ARF4: variants seen among roughly 807,000 people sequenced by gnomAD.
ARF4 encodes the protein ADP-ribosylation factor 4.
A neutral mutation model predicts 24.3 loss-of-function variants in ARF4; 5 were observed. That is an observed-to-expected ratio of 0.21 (90% confidence interval 0.11 to 0.43). ARF4 has a LOEUF of 0.43. Ranked by LOEUF, ARF4 falls within the 20% of genes least tolerant of loss-of-function variation. ARF4 has a pLI of 1.00. For missense variants in ARF4, 107 were observed against 213.0 expected (o/e 0.50, Z 3.10); for synonymous variants, 62 against 73.5 (o/e 0.84, Z 0.80).
chr3:57,589,034 G>A (rs547567131), intron 1 of ARF4, among the ~76,000 whole-genome samples: 5 of 151,940 alleles, frequency 3.3e-5, no homozygotes, highest in African/African-American at 4.8e-5. Context: ...CCTGAGAGGC[G>A]GAGGTCGCAG....
At chr3:57,572,347 A>G (rs1259644361) in intron 5 of ARF4, 49 bp from the exon 6 acceptor site, 1 of 1,359,734 alleles carries the variant, frequency 7.4e-7, no homozygotes, top group African/African-American at 1.4e-5. Context: ...TTAATATATA[A>G]CACCAGTGTT....
At chr3:57,576,259 A>G (rs1312129068) in intron 4 of ARF4, among the ~76,000 whole-genome samples, 1 of 152,198 alleles carries the variant, frequency 6.6e-6, no homozygotes, top group Non-Finnish European at 1.5e-5. Flanking sequence ...GTTTTCATTT[A>G]TATGAATGTC....
chr3:57,594,782 T>C (rs919941979), intron 1 of ARF4, among the ~76,000 whole-genome samples: 4 of 152,294 alleles, frequency 2.6e-5, no homozygotes, highest in East Asian at 1.9e-4. Context: ...ATTCCAACAG[T>C]TGAATGGGGC....
At chr3:57,585,102 G>C (rs2070021069) in intron 1 of ARF4, among the ~76,000 whole-genome samples, 2 of 152,108 alleles carry the variant, frequency 1.3e-5, no homozygotes, top group Admixed American at 1.3e-4. Context: ...GGCCTCAAGT[G>C]ATCTGCCAGC....
chr3:57,597,281 G>A lies in ARF4; in HGVS notation c.-141C>T, dbSNP rs964607834. The A allele has an allele frequency of 1.3e-6, 1 of 767,058 alleles. No individual in the cohort carries two copies. 47.5% of individuals were successfully genotyped at this position (767,058 alleles called of 1,614,324 possible). A position where few individuals can be genotyped will look rare whatever the true frequency, so the allele number is the denominator to read the frequency against. On this transcript the variant is annotated 5_prime_UTR_variant, in exon 1 of 6. Coordinates refer to ENST00000303436, the MANE Select transcript of ARF4 (RefSeq NM_001660.4). ...GAAAGAGGGAGGCAGAAACGTCTCA[G>A]TGGCCCCTGTGCCGATGAAGATCCG...
intron 3 of ARF4, among the ~76,000 whole-genome samples, 186 bp downstream of exon 3, chr3:57,583,712 C>A (rs2070003012): frequency 6.6e-6 from 1 of 152,186 alleles, no homozygotes; most frequent in Admixed American, 6.6e-5. Context: ...CTTTACAACT[C>A]TTCCACCCTA....
intron 3 of ARF4, among the ~76,000 whole-genome samples, chr3:57,582,007 C>G (rs1470428293): frequency 6.6e-6 from 1 of 152,136 alleles, no homozygotes; most frequent in African/African-American, 2.4e-5. Context: ...AAAAAACTCC[C>G]TGGAGTATAT....
chr3:57,578,891 G>GA (rs543593759), intron 3 of ARF4, among the ~76,000 whole-genome samples: 1 of 95,990 alleles, frequency 1.0e-5, no homozygotes, highest in South Asian at 4.2e-4. Flanking sequence ...AGCTAGAAAA[G>GA]GGGGGGGGCA....
At chr3:57,580,579 A>AT (rs1180096362) in intron 3 of ARF4, among the ~76,000 whole-genome samples, 13 of 148,012 alleles carry the variant, frequency 8.8e-5, no homozygotes, top group Admixed American at 4.1e-4. Context: ...TTTTTTTTTA[A>AT]TTTTTTTTTG....
Position 57,597,180 on chromosome 3 carries a change from T to C in ARF4, c.-40A>G. The C allele has an allele frequency of 6.3e-7, 1 of 1,580,444 alleles. No homozygotes were observed. The highest frequency in any genetic ancestry group is 8.7e-7 in the Non-Finnish European group (1 of 1,151,150). ...TTGTGATGGGCAGAAGCAGAAGGGG[T>C]TTGGGGCGACCCCGTGCTTTCTCCT... On this transcript the variant is annotated 5_prime_UTR_variant, in exon 1 of 6. Transcript: ENST00000303436.
chr3:57,591,791 T>C (rs1319238479), intron 1 of ARF4, among the ~76,000 whole-genome samples: 2 of 152,104 alleles, frequency 1.3e-5, no homozygotes, highest in Non-Finnish European at 2.9e-5. Flanking sequence ...GACAACATCA[T>C]GCCAAGTGAA....
At chr3:57,595,556 A>T (rs1274891938) in intron 1 of ARF4, among the ~76,000 whole-genome samples, 2 of 152,236 alleles carry the variant, frequency 1.3e-5, no homozygotes, top group African/African-American at 2.4e-5. Flanking sequence ...CGCTAAGAGG[A>T]AAATAAACAT....
rs531922831 is a variant in ARF4 at position 57,576,045 on chromosome 3, A to C, written c.331-372T>G. On this transcript the variant is annotated intron_variant, in intron 4 of 5. Coordinates refer to ENST00000303436, the MANE Select transcript of ARF4 (RefSeq NM_001660.4). ...ATGGTACTTAGTAGCAGAAGTACTT[A>C]GATAGATGATGATTCTTTTCGGACT... 1.6e-4 allele frequency among the ~76,000 whole-genome samples: 24 copies of C among 152,324 alleles called. No homozygotes were observed. In the South Asian group the frequency reaches 3.9e-3, roughly 25 times the overall value.
chr3:57,589,819 A>G (rs2070086431), intron 1 of ARF4, among the ~76,000 whole-genome samples: 1 of 151,334 alleles, frequency 6.6e-6, no homozygotes, highest in Non-Finnish European at 1.5e-5. Flanking sequence ...CCAGCCGGGC[A>G]CGGTGGCTCA....
At chr3:57,576,492 G>A (rs1309079891) in intron 4 of ARF4, among the ~76,000 whole-genome samples, 1 of 144,336 alleles carries the variant, frequency 6.9e-6, no homozygotes, top group Non-Finnish European at 1.5e-5. Context: ...TGTGAAGTAT[G>A]TCTCAACCAA....
chr3:57,590,660 A>G (rs756836690), intron 1 of ARF4, among the ~76,000 whole-genome samples: 53 of 146,010 alleles, frequency 3.6e-4, no homozygotes, highest in Non-Finnish European at 7.4e-4. Context: ...TCATAATTAT[A>G]AGTGTGTGTG....
chr3:57,583,931 C>T lies in ARF4; in HGVS notation c.225G>A (p.Arg75=). The stretch of plus-strand genomic sequence containing the variant: ...TCTGGAAGTAATGCTTCCAGAGAGG[C>T]CTAATTCTATCTTGACCACCAACAT... The part of the protein sequence containing the change: ...VWDVGGQDRI[R]PLWKHYFQNT... Residue 75 remains arginine, a synonymous_variant, in exon 3 of 6, where the codon AGG becomes AGA. Transcript: ENST00000303436. The T allele has an allele frequency of 6.2e-7, 1 of 1,609,728 alleles. No homozygotes were observed. The highest frequency in any genetic ancestry group is 1.7e-5 in the Admixed American group (1 of 59,868).
chr3:57,588,773 A>T (rs988986325), intron 1 of ARF4, among the ~76,000 whole-genome samples: 9 of 143,986 alleles, frequency 6.3e-5, no homozygotes, highest in African/African-American at 2.4e-4. Flanking sequence ...CCTGGACAAC[A>T]TGGCAAAACC....
At chr3:57,595,094 T>C (rs532926774) in intron 1 of ARF4, among the ~76,000 whole-genome samples, 23 of 152,326 alleles carry the variant, frequency 1.5e-4, no homozygotes, top group African/African-American at 4.8e-4. Flanking sequence ...AACTTAAATA[T>C]TTTTTCTCTC....
Sources: allele counts gnomAD v4.1 joint callset (sites outside exome capture counted in the v4.1 genomes callset), GRCh38; gene constraint gnomAD v4.1.1; transcripts MANE v1.5; gene names NCBI Gene and HGNC (gene_info 2026-07-23, HGNC 2026-07-21).